The following MYOF variants were observed in gnomAD, a reference collection of about 807,000 sequenced individuals.
MYOF encodes the protein myoferlin, also known as fer-1-like 3, myoferlin.
MYOF carries 244 observed loss-of-function variants against 284.2 expected under a neutral mutation model. The ratio of observed to expected loss-of-function variants is 0.86; its 90% CI spans 0.77 to 0.95. MYOF has a LOEUF of 0.95. MYOF is among the 40% of genes least tolerant of loss of function. The pLI, the probability that MYOF is intolerant of heterozygous loss-of-function variation, is 0.00. For missense variants in MYOF, 2,496 were observed against 2,560.6 expected, an observed-to-expected ratio of 0.97 and a Z score of 0.54; for synonymous variants, 904 against 919.7, an observed-to-expected ratio of 0.98 and a Z score of 0.31.
chr10:93,457,873 C>T lies in MYOF; in HGVS notation c.89-936G>A, dbSNP rs1232837895. Among the ~76,000 whole-genome samples, 5 of 151,452 alleles carry T rather than the reference C, an allele frequency of 3.3e-5. No homozygotes were observed. In the East Asian group the frequency reaches 9.8e-4, roughly 30 times the overall value. ...TCGGCGCCCCATGTAGTTGGGACCACAGGTGCACACCACCACACCCAGCTA... is the reference window on the plus strand; with the variant it reads ...TCGGCGCCCCATGTAGTTGGGACCATAGGTGCACACCACCACACCCAGCTA... On this transcript the variant is annotated intron_variant, in intron 1 of 53. Coordinates refer to ENST00000359263, the MANE Select transcript of MYOF (RefSeq NM_013451.4).
At chr10:93,464,210 C>T (rs1310099809) in intron 1 of MYOF, among the ~76,000 whole-genome samples, 1 of 152,214 alleles carries the variant, frequency 6.6e-6, no homozygotes, top group Non-Finnish European at 1.5e-5. Context: ...CCTGAGTTTT[C>T]TAAGCTGTGG....
chr10:93,460,067 A>C (rs11814709), intron 1 of MYOF, among the ~76,000 whole-genome samples: 1 of 152,174 alleles, frequency 6.6e-6, no homozygotes, highest in African/African-American at 2.4e-5. Context: ...GAAACTGAGC[A>C]CCCAGGCTTG....
intron 4 of MYOF, among the ~76,000 whole-genome samples, chr10:93,430,180 C>T (rs951484441): frequency 7.2e-5 from 11 of 151,798 alleles, no homozygotes; most frequent in Non-Finnish European, 1.2e-4. Flanking sequence ...AAGATCCGCC[C>T]GCCTCAGCCT....
At chr10:93,344,521 C>A (rs1844083997) in intron 37 of MYOF, among the ~76,000 whole-genome samples, 1 of 151,596 alleles carries the variant, frequency 6.6e-6, no homozygotes, top group Non-Finnish European at 1.5e-5. Flanking sequence ...CTAAAGGAGT[C>A]TTCTTTTCTT....
chr10:93,402,943 T>C (rs1847370539), intron 9 of MYOF, 53 bp from the exon 10 acceptor site: 1 of 1,467,724 alleles, frequency 6.8e-7, no homozygotes, highest in Admixed American at 1.7e-5. Flanking sequence ...ATCAGTCTAG[T>C]CACTTTAAAG....
chr10:93,306,777 T>C lies in MYOF; in HGVS notation c.*186A>G. ...TTTTAATACTTAAGAGATAACATGA[T>C]GCAAACGTTGCTTGTTGGCCTGACT... On this transcript the variant is annotated 3_prime_UTR_variant, in exon 54 of 54. Coordinates refer to ENST00000359263, the MANE Select transcript of MYOF (RefSeq NM_013451.4). 1.6e-6 allele frequency: 1 copy of C among 634,770 alleles called. No individual in the cohort carries two copies. The allele number at this position is 634,770 out of a possible 1,614,324, so 39.3% of individuals were successfully genotyped here. A position where few individuals can be genotyped will look rare whatever the true frequency, so the allele number is the denominator to read the frequency against.
At chr10:93,404,806 G>T (rs1447692683) in intron 7 of MYOF, among the ~76,000 whole-genome samples, 1 of 152,132 alleles carries the variant, frequency 6.6e-6, no homozygotes, top group African/African-American at 2.4e-5. Flanking sequence ...CTCCAAGAAA[G>T]CACCTTTCAA....
At chr10:93,331,553 G>A (rs1843301694) in intron 43 of MYOF, among the ~76,000 whole-genome samples, 1 of 152,162 alleles carries the variant, frequency 6.6e-6, no homozygotes, top group Non-Finnish European at 1.5e-5. Flanking sequence ...CCTCACGGGA[G>A]CCCTCCTTCC....
At chr10:93,360,394 C>A (rs1056672611) in intron 28 of MYOF, among the ~76,000 whole-genome samples, 2 of 152,336 alleles carry the variant, frequency 1.3e-5, no homozygotes, top group African/African-American at 4.8e-5. Context: ...CTGCCTATGG[C>A]CCAATTTCCC....
At chr10:93,351,149 C>G in intron 35 of MYOF, 48 bp downstream of exon 35, 1 of 1,559,724 alleles carries the variant, frequency 6.4e-7, no homozygotes, top group Non-Finnish European at 8.8e-7. Context: ...TCCTGTCCTG[C>G]AGTCACATCC....
chr10:93,448,052 T>C (rs1159389703), intron 3 of MYOF, among the ~76,000 whole-genome samples: 6 of 152,162 alleles, frequency 3.9e-5, no homozygotes, highest in Admixed American at 3.9e-4. Flanking sequence ...ACATATATTG[T>C]GGTTTCTCTG....
At chr10:93,353,493 G>C (rs1645964255) in intron 32 of MYOF, among the ~76,000 whole-genome samples, 1 of 151,924 alleles carries the variant, frequency 6.6e-6, no homozygotes, top group Non-Finnish European at 1.5e-5. Context: ...CAACCTGAGG[G>C]TCCAGGGATG....
At position 93,366,549 on chromosome 10, in the gene MYOF, T is replaced by C; in HGVS notation, c.2596A>G (p.Asn866Asp). 1.4e-5 allele frequency: 23 copies of C among 1,600,982 alleles called. No homozygotes were observed. Among genetic ancestry groups the C allele is most frequent in the Non-Finnish European group, 1.9e-5 (22 of 1,175,930 alleles). The change falls in exon 26 of 54, where the codon AAT becomes GAT. Residue 866 changes from asparagine to aspartate, a missense_variant. Asn to Asp is a conservative substitution (Grantham distance 23). Transcript: ENST00000359263. ...TFTVFAEMYE[N>D]QALMFGKWGT... ...CATTTTCCAAACATGAGAGCTTGAT[T>C]TTCATACTATTAAAAAAGAGATAAA... is the stretch of plus-strand genomic sequence containing the variant.
chr10:93,330,807 G>C (rs1843262937), intron 43 of MYOF, among the ~76,000 whole-genome samples: 1 of 152,160 alleles, frequency 6.6e-6, no homozygotes. Context: ...TGTGTGGACT[G>C]GTCCCTGCCC....
At chr10:93,471,126 ATTT>A in intron 1 of MYOF, among the ~76,000 whole-genome samples, 1 of 152,244 alleles carries the variant, frequency 6.6e-6, no homozygotes, top group Non-Finnish European at 1.5e-5. Context: ...CAAATATTAG[ATTT>A]TTAATACTTT....
chr10:93,337,133 GTT>G (rs1554840423), intron 40 of MYOF, among the ~76,000 whole-genome samples: 7 of 135,232 alleles, frequency 5.2e-5, no homozygotes, highest in African/African-American at 5.4e-5. Flanking sequence ...AAAGGTGTGG[GTT>G]TTTTTTTTTT....
intron 48 of MYOF, among the ~76,000 whole-genome samples, chr10:93,320,722 CTACTGGGAAGACTT>C (rs1286338080): frequency 6.6e-6 from 1 of 152,062 alleles, no homozygotes; most frequent in African/African-American, 2.4e-5. Context: ...GAAGTTGTTG[CTACTGGGAAGACTT>C]CTAGTTTGAA....
At chr10:93,400,735 T>C (rs35110922) in intron 12 of MYOF, among the ~76,000 whole-genome samples, 15,478 of 152,072 alleles carry the variant, frequency 0.1, 1,242 homozygotes, top group African/African-American at 0.22. Context: ...CTAGTTCCTA[T>C]AAATGGAATC....
Position 93,347,921 on chromosome 10 carries a change from A to G in MYOF, c.4084-139T>C, listed in dbSNP as rs559442353. The G allele has an allele frequency of 3.3e-5, 28 of 841,398 alleles. No homozygotes were observed. The South Asian group carries it at 5.7e-4, about 17-fold the overall frequency. 52.1% of individuals were successfully genotyped at this position (841,398 alleles called of 1,614,324 possible). A position where few individuals can be genotyped will look rare whatever the true frequency, so the allele number is the denominator to read the frequency against. Reference sequence around the variant, plus strand: ...GCAATAGTTCAGTTACTCATGTGCCAGGCAAGGAGCTCCGTGCTTAAGAGC... The same window carrying G: ...GCAATAGTTCAGTTACTCATGTGCCGGGCAAGGAGCTCCGTGCTTAAGAGC... On this transcript the variant is annotated intron_variant, in intron 36 of 53. Coordinates refer to ENST00000359263, the MANE Select transcript of MYOF (RefSeq NM_013451.4).
Sources: gnomAD v4.1 joint callset for allele counts (sites outside exome capture counted in the v4.1 genomes callset) on GRCh38, gnomAD v4.1.1 for gene constraint, MANE v1.5 for transcripts, NCBI Gene and HGNC (gene_info 2026-07-23, HGNC 2026-07-21) for gene names.